Variants in ALDH1L2 observed in about 807,000 individuals in gnomAD.
ALDH1L2 encodes the protein aldehyde dehydrogenase 1 family member L2.
In ALDH1L2, 91 loss-of-function variants were observed where a neutral mutation model predicts 111.0. That is an observed-to-expected ratio of 0.82 (90% CI 0.69 to 0.98). The LOEUF is 0.98. Among genes scored for constraint, ALDH1L2 ranks in the 50% least tolerant of loss-of-function variants. The pLI is 0.00. For missense variants in ALDH1L2, 995 were observed against 1,126.8 expected, an observed-to-expected ratio of 0.88 and a Z score of 1.67; for synonymous variants, 374 against 392.6, an observed-to-expected ratio of 0.95 and a Z score of 0.56.
rs1473843490 is a variant in ALDH1L2 at position 105,038,265 on chromosome 12, CACACACACACACAA to C, written c.2046-77_2046-64del. Reference sequence around the variant, plus strand: ...CATCTCTCTCTCTCTCTCTCTCACACACACACACACACAAACACACACACACACACACACACACA... The same window carrying C: ...CATCTCTCTCTCTCTCTCTCTCACACACACACACACACACACACACACACA... On this transcript the variant is annotated intron_variant, in intron 17 of 22. Coordinates refer to ENST00000258494, the MANE Select transcript of ALDH1L2 (RefSeq NM_001034173.4). 410 of 597,720 alleles carry C rather than the reference CACACACACACACAA, an allele frequency of 6.9e-4. 2 individuals are homozygous for C. The highest frequency in any genetic ancestry group is 1.1e-3 in the Middle Eastern group (4 of 3,564). 37.0% of individuals were successfully genotyped at this position (597,720 alleles called of 1,614,324 possible).
At chr12:105,082,240 T>C (rs1184155857) in intron 1 of ALDH1L2, among the ~76,000 whole-genome samples, 1 of 152,194 alleles carries the variant, frequency 6.6e-6, no homozygotes, top group East Asian at 1.9e-4. Context: ...AAATGCACCC[T>C]CTTCAGTGTA....
chr12:105,031,645 C>T, intron 20 of ALDH1L2, 124 bp downstream of exon 20: 1 of 1,391,346 alleles, frequency 7.2e-7, no homozygotes, highest in South Asian at 1.4e-5. Context: ...CGTGCCACCA[C>T]ACTGGGCTAA....
At chr12:105,036,168 C>A (rs868728865) in intron 18 of ALDH1L2, among the ~76,000 whole-genome samples, 1 of 32,404 alleles carries the variant, frequency 3.1e-5, no homozygotes, top group Non-Finnish European at 4.7e-5. Context: ...ATAATATATA[C>A]ACGTATATTT....
chr12:105,057,160 G>A (rs912504351), intron 10 of ALDH1L2, among the ~76,000 whole-genome samples: 1 of 152,048 alleles, frequency 6.6e-6, no homozygotes, highest in African/African-American at 2.4e-5. Flanking sequence ...TATATGAGAA[G>A]ATGCTCAACA....
chr12:105,072,059 C>T (rs1317549472), intron 2 of ALDH1L2, among the ~76,000 whole-genome samples: 1 of 151,068 alleles, frequency 6.6e-6, no homozygotes, highest in Non-Finnish European at 1.5e-5. Context: ...ACGCTCCAGC[C>T]TGGGCAACGA....
rs1235523715 is a variant in ALDH1L2, at chr12:105,074,491, AAAAG to A, written c.49-490_49-487del. ...AAAAAAAAAAAAAAAAAAGAAAAGA[AAAAG>A]AAAGAAAGAAAGAGGGTAATCAGAG... is the stretch of plus-strand genomic sequence containing the variant. On this transcript the variant is annotated intron_variant, in intron 1 of 22. Coordinates refer to ENST00000258494, the MANE Select transcript of ALDH1L2 (RefSeq NM_001034173.4). Among the ~76,000 whole-genome samples, 243 of 150,346 alleles carry A rather than the reference AAAAG, an allele frequency of 1.6e-3. 1 individual carries two copies. Among genetic ancestry groups the A allele is most frequent in the African/African-American group, 5.4e-3 (217 of 40,314 alleles).
chr12:105,050,722 A>G (rs538073851), intron 12 of ALDH1L2: 63 of 452,354 alleles, frequency 1.4e-4, no homozygotes, highest in African/African-American at 1.1e-3. Context: ...TAATAAAGAC[A>G]TACCTGAGAC....
intron 9 of ALDH1L2, among the ~76,000 whole-genome samples, chr12:105,059,223 C>T (rs984474625): frequency 1.9e-4 from 28 of 151,250 alleles, no homozygotes; most frequent in Non-Finnish European, 3.8e-4. Flanking sequence ...GCCAAGATTG[C>T]GCCACTGCAC....
In ALDH1L2 at chr12:105,024,340, C is replaced by CT. The variant is rs1278056163; in HGVS notation, c.*83dup. ...TTTTTTGGTTTGTGGCTGACACCTC[C>CT]TGCCTCAACACACCCAATCTTCTTA... On this transcript the variant is annotated 3_prime_UTR_variant, in exon 23 of 23. Coordinates refer to ENST00000258494, the MANE Select transcript of ALDH1L2 (RefSeq NM_001034173.4). The CT allele has an allele frequency of 6.5e-7, 1 of 1,535,252 alleles. No homozygotes were observed. Among genetic ancestry groups the CT allele is most frequent in the African/African-American group, 1.4e-5 (1 of 73,096 alleles).
At chr12:105,029,624 A>C (rs1358907241) in intron 21 of ALDH1L2, among the ~76,000 whole-genome samples, 1 of 152,122 alleles carries the variant, frequency 6.6e-6, no homozygotes, top group Non-Finnish European at 1.5e-5. Flanking sequence ...TACTCACTAC[A>C]CCTTATAGTC....
intron 1 of ALDH1L2, among the ~76,000 whole-genome samples, chr12:105,074,709 A>T (rs1411143744): frequency 1.3e-5 from 2 of 152,066 alleles, no homozygotes; most frequent in African/African-American, 4.8e-5. Context: ...TCACTGAGAA[A>T]CTCTGTTTTT....
At chr12:105,081,235 T>C (rs1353429418) in intron 1 of ALDH1L2, among the ~76,000 whole-genome samples, 1 of 152,230 alleles carries the variant, frequency 6.6e-6, no homozygotes, top group African/African-American at 2.4e-5. Flanking sequence ...GTAAAGCATT[T>C]ATTAATGCAT....
intron 12 of ALDH1L2, chr12:105,050,759 A>C (rs1250232680): frequency 4.5e-6 from 2 of 440,422 alleles, no homozygotes; most frequent in Admixed American, 4.9e-5. Context: ...GAAAGAGGCA[A>C]GAGCATGTGC....
intron 11 of ALDH1L2, among the ~76,000 whole-genome samples, chr12:105,052,565 T>C (rs886343120): frequency 2.0e-5 from 3 of 152,222 alleles, no homozygotes; most frequent in African/African-American, 4.8e-5. Context: ...TGAGTGCCTC[T>C]GGTGTGTATA....
In ALDH1L2 at chr12:105,073,901, C is replaced by T. The variant is rs975911816; in HGVS notation, c.153G>A (p.Val51=). The change falls in exon 2 of 23, where the codon GTG becomes GTA. Residue 51 remains valine (V), a synonymous_variant. Coordinates refer to ENST00000258494, the MANE Select transcript of ALDH1L2 (RefSeq NM_001034173.4). ...TTCCATCCTTGTCTGGAACTGTGAA[C>T]ACCCCTACTACTCGGTGGCCCTCTT... ...LRKEGHRVVG[V]FTVPDKDGKA... The T allele has an allele frequency of 6.8e-6, 11 of 1,614,158 alleles. No homozygotes were observed. The highest frequency in any genetic ancestry group is 9.3e-6 in the Non-Finnish European group (11 of 1,180,036).
chr12:105,072,149 TATTAATAA>T (rs1208100751), intron 2 of ALDH1L2, among the ~76,000 whole-genome samples: 2 of 138,996 alleles, frequency 1.4e-5, no homozygotes, highest in Non-Finnish European at 3.1e-5. Context: ...TAATTGTATA[TATTAATAA>T]ATTATAGAAA....
Position 105,052,796 on chromosome 12 carries a change from C to G in ALDH1L2, c.1407+16G>C, listed in dbSNP as rs765716231. ...CCATGACCAGTGATCACTACTCACA[C>G]TAAAGAATTACTCACAGATCCATCT... On this transcript the variant is annotated intron_variant, in intron 11 of 22. Transcript: ENST00000258494. 1.2e-6 allele frequency: 2 copies of G among 1,613,886 alleles called. No individual in the cohort carries two copies. The highest frequency in any genetic ancestry group is 1.7e-6 in the Non-Finnish European group (2 of 1,179,886).
chr12:105,039,248 C>A (rs944609245), intron 17 of ALDH1L2, among the ~76,000 whole-genome samples: 3 of 151,818 alleles, frequency 2.0e-5, no homozygotes, highest in Non-Finnish European at 2.9e-5. Context: ...AACATGACTG[C>A]ACAGTGTTCC....
intron 6 of ALDH1L2, among the ~76,000 whole-genome samples, chr12:105,064,127 T>A (rs1877198272): frequency 1.1e-5 from 1 of 94,074 alleles, no homozygotes; most frequent in African/African-American, 5.0e-5. Context: ...TTTTTTTTTT[T>A]TTTTTTTTTT....
Sources: gnomAD v4.1 joint callset for allele counts (sites outside exome capture counted in the v4.1 genomes callset) on GRCh38, gnomAD v4.1.1 for gene constraint, MANE v1.5 for transcripts, NCBI Gene and HGNC (gene_info 2026-07-23, HGNC 2026-07-21) for gene names.